The following HS6ST3 variants were observed in gnomAD, a reference collection of about 807,000 sequenced individuals.
The protein encoded by HS6ST3 is heparan sulfate 6-O-sulfotransferase 3, also known as heparan-sulfate 6-O-sulfotransferase 3.
Under a neutral mutation model 36.7 loss-of-function variants are expected in HS6ST3, and 12 were observed. The ratio of observed to expected loss-of-function variants is 0.33; its 90% confidence interval spans 0.21 to 0.53. HS6ST3 has a LOEUF of 0.53. Ranked by LOEUF, HS6ST3 falls within the 20% of genes least tolerant of loss-of-function variation. HS6ST3 has a pLI of 0.95. For missense variants in HS6ST3, 584 were observed against 640.9 expected (o/e 0.91, Z 0.96); for synonymous variants, 240 against 257.5 (o/e 0.93, Z 0.65).
chr13:96,341,759 A>C (rs1033296811), intron 1 of HS6ST3, among the ~76,000 whole-genome samples: 16 of 152,204 alleles, frequency 1.1e-4, no homozygotes, highest in Non-Finnish European at 2.1e-4. Context: ...AAATTGGGTA[A>C]AAATTCTTAT....
chr13:96,279,753 T>G (rs2054766176), intron 1 of HS6ST3, among the ~76,000 whole-genome samples: 1 of 152,194 alleles, frequency 6.6e-6, no homozygotes, highest in South Asian at 2.1e-4. Context: ...AAAAGAGTAG[T>G]CATTAGCATT....
chr13:96,727,398 A>G (rs1371404393), intron 1 of HS6ST3, among the ~76,000 whole-genome samples: 1 of 152,072 alleles, frequency 6.6e-6, no homozygotes, highest in Non-Finnish European at 1.5e-5. Flanking sequence ...CACTATTATT[A>G]TCATTATCAT....
At chr13:96,198,578 G>A (rs1027171801) in intron 1 of HS6ST3, among the ~76,000 whole-genome samples, 3 of 152,060 alleles carry the variant, frequency 2.0e-5, no homozygotes, top group Admixed American at 6.6e-5. Flanking sequence ...TATCTTTCTC[G>A]AGTTCAAAGT....
At chr13:96,400,669 G>C (rs1010452559) in intron 1 of HS6ST3, among the ~76,000 whole-genome samples, 3 of 152,072 alleles carry the variant, frequency 2.0e-5, no homozygotes, top group Non-Finnish European at 4.4e-5. Flanking sequence ...AAGAGAGAAG[G>C]TATTGGGACT....
intron 1 of HS6ST3, among the ~76,000 whole-genome samples, chr13:96,644,493 T>G (rs142359019): frequency 7.5e-4 from 114 of 152,082 alleles, no homozygotes; most frequent in African/African-American, 2.5e-3. Flanking sequence ...ACCTTAGTCT[T>G]GTTAGTGGGT....
At chr13:96,577,243 C>A (rs1055075693) in intron 1 of HS6ST3, among the ~76,000 whole-genome samples, 1 of 152,120 alleles carries the variant, frequency 6.6e-6, no homozygotes, top group Non-Finnish European at 1.5e-5. Flanking sequence ...TGAACTCGCA[C>A]TTATGAGTGA....
At chr13:96,380,950 G>A (rs2139446107) in intron 1 of HS6ST3, among the ~76,000 whole-genome samples, 1 of 152,338 alleles carries the variant, frequency 6.6e-6, no homozygotes, top group East Asian at 1.9e-4. Flanking sequence ...GAGATGTTCA[G>A]AAGATAGATG....
chr13:96,170,476 T>C (rs1181934691), intron 1 of HS6ST3, among the ~76,000 whole-genome samples: 2 of 152,262 alleles, frequency 1.3e-5, no homozygotes, highest in African/African-American at 4.8e-5. Context: ...AGTCATTTCA[T>C]GTGATCCTGT....
chr13:96,317,376 A>ATATATATAAAAT (rs1555297626), intron 1 of HS6ST3, among the ~76,000 whole-genome samples: 1,012 of 7,078 alleles, frequency 0.14, 25 homozygotes, highest in African/African-American at 0.34. Context: ...ATAAAATTAT[A>ATATATATAAAAT]TATATATATA....
At chr13:96,475,196 G>C (rs902086144) in intron 1 of HS6ST3, among the ~76,000 whole-genome samples, 10 of 152,064 alleles carry the variant, frequency 6.6e-5, no homozygotes, top group African/African-American at 2.4e-4. Flanking sequence ...CATTCTCTGA[G>C]CTATTCTACT....
chr13:96,528,362 ACATTATTTGTTG>A (rs2056122391), intron 1 of HS6ST3, among the ~76,000 whole-genome samples: 1 of 152,192 alleles, frequency 6.6e-6, no homozygotes, highest in Non-Finnish European at 1.5e-5. Flanking sequence ...AAAACAAATG[ACATTATTTGTTG>A]CTAATGATAA....
chr13:96,383,769 A>T (rs530370120), intron 1 of HS6ST3, among the ~76,000 whole-genome samples: 1 of 152,290 alleles, frequency 6.6e-6, no homozygotes, highest in African/African-American at 2.4e-5. Context: ...AAGAGAGGGA[A>T]GCACAAGGTG....
chr13:96,359,419 C>T (rs1367000714), intron 1 of HS6ST3, among the ~76,000 whole-genome samples: 1 of 152,172 alleles, frequency 6.6e-6, no homozygotes, highest in African/African-American at 2.4e-5. Flanking sequence ...AAACTGTCTA[C>T]TTATGTAGGT....
chr13:96,737,247 T>G (rs1594848535), intron 1 of HS6ST3, among the ~76,000 whole-genome samples: 1 of 152,218 alleles, frequency 6.6e-6, no homozygotes, highest in East Asian at 1.9e-4. Flanking sequence ...TATACAAACA[T>G]AATAAAGAAC....
At chr13:96,615,554 A>G (rs1170037430) in intron 1 of HS6ST3, among the ~76,000 whole-genome samples, 1 of 152,236 alleles carries the variant, frequency 6.6e-6, no homozygotes, top group African/African-American at 2.4e-5. Context: ...CTGAGTCTCA[A>G]TAAATCATAT....
chr13:96,670,449 A>AT (rs781313927), intron 1 of HS6ST3, among the ~76,000 whole-genome samples: 7 of 151,980 alleles, frequency 4.6e-5, no homozygotes, highest in Admixed American at 2.0e-4. Context: ...ATCAAGAGTA[A>AT]TTTTTTTTAA....
intron 1 of HS6ST3, among the ~76,000 whole-genome samples, chr13:96,199,251 A>G (rs970977105): frequency 6.6e-6 from 1 of 152,222 alleles, no homozygotes; most frequent in Non-Finnish European, 1.5e-5. Flanking sequence ...CTAAACACTA[A>G]CAATATATAA....
chr13:96,157,625 G>C (rs142909987), intron 1 of HS6ST3, among the ~76,000 whole-genome samples: 1 of 152,262 alleles, frequency 6.6e-6, no homozygotes, highest in East Asian at 1.9e-4. Flanking sequence ...TCTTTTATTT[G>C]TTCAGTGCAG....
intron 1 of HS6ST3, among the ~76,000 whole-genome samples, chr13:96,504,074 T>A (rs1566380143): frequency 6.6e-6 from 1 of 152,156 alleles, no homozygotes; most frequent in African/African-American, 2.4e-5. Context: ...AGAGGCCCTA[T>A]CTCCAAATAC....
Sources: allele counts gnomAD v4.1 joint callset (sites outside exome capture counted in the v4.1 genomes callset), GRCh38; gene constraint gnomAD v4.1.1; transcripts MANE v1.5; gene names NCBI Gene and HGNC (gene_info 2026-07-23, HGNC 2026-07-21).